MAGEB2: variants seen among roughly 807,000 people sequenced by gnomAD.
MAGEB2 encodes the protein MAGE family member B2, also known as melanoma-associated antigen B2.
For missense variants in MAGEB2, 365 were observed against 243.2 expected, an observed-to-expected ratio of 1.50 and a Z score of -3.33; for synonymous variants, 107 against 96.2, an observed-to-expected ratio of 1.11 and a Z score of -0.66.
At chrX:30,218,408 G>A (rs1219848365) in intron 1 of MAGEB2, among the ~76,000 whole-genome samples, 168 bp from the exon 2 acceptor site, 1 of 111,709 alleles carries the variant, frequency 9.0e-6, no homozygotes, top group East Asian at 2.8e-4. Context: ...GACGACAGGA[G>A]CCTTGTGGCT....
chrX:30,218,948 T>C lies in MAGEB2; in HGVS notation c.368T>C (p.Leu123Ser). 8.3e-7 allele frequency: 1 copy of C among 1,210,313 alleles called. No homozygotes were observed. The highest frequency in any genetic ancestry group is 1.1e-6 in the Non-Finnish European group (1 of 894,670). Residue 123 changes from leucine to serine, a missense_variant, in exon 2 of 2, where the codon TTG (leucine) becomes TCG (serine). Leu to Ser is a moderately radical substitution (Grantham distance 145, BLOSUM62 -2). Coordinates refer to ENST00000378988, the MANE Select transcript of MAGEB2 (RefSeq NM_002364.5). ...RKSGSLVQFL[L>S]YKYKIKKSVT... The stretch of plus-strand genomic sequence containing the variant: ...TCAGGGTCGTTGGTGCAGTTCCTGT[T>C]GTACAAGTATAAAATAAAAAAGTCC...
intron 1 of MAGEB2, 29 bp from the exon 2 acceptor site, chrX:30,218,544 ATTC>A (rs778411044): frequency 6.8e-6 from 8 of 1,174,312 alleles, no homozygotes; most frequent in Non-Finnish European, 5.7e-6. Context: ...CTAACCATCT[ATTC>A]TTCTGCCCAC....
At position 30,219,482 on chromosome X, in the gene MAGEB2, G is replaced by A. The variant is rs1194698180; in HGVS notation, c.902G>A (p.Cys301Tyr). 3 of 1,209,210 alleles carry A rather than the reference G, an allele frequency of 2.5e-6. No individual in the cohort carries two copies. Among genetic ancestry groups the A allele is most frequent in the East Asian group, 5.9e-5 (2 of 33,788 alleles). Residue 301 changes from cysteine (C) to tyrosine (Y), a missense_variant, in exon 2 of 2, where the codon TGT becomes TAT. Coordinates refer to ENST00000378988, the MANE Select transcript of MAGEB2 (RefSeq NM_002364.5). ...FLAKVNGTTP[C>Y]AFPTHYEEAL... is the part of the protein sequence containing the mutation. ...GCCAAGGTAAATGGTACCACCCCCT[G>A]TGCCTTCCCAACCCATTACGAAGAA...
Position 30,219,225 on chromosome X carries a change from C to T in MAGEB2, c.645C>T (p.Gly215=), listed in dbSNP as rs1924495952. Residue 215 remains glycine (G), a synonymous_variant, in exon 2 of 2, where the codon GGC becomes GGT. Transcript: ENST00000378988. ...MPLLGVIFLN[G]NSATEEEIWE... ...TCCTGGGTGTGATCTTCTTAAATGGCAACTCAGCTACTGAGGAAGAGATCT... is the reference window on the plus strand; with the variant it reads ...TCCTGGGTGTGATCTTCTTAAATGGTAACTCAGCTACTGAGGAAGAGATCT... The T allele has an allele frequency of 8.3e-7, 1 of 1,210,851 alleles. No individual in the cohort carries two copies. Among genetic ancestry groups the T allele is most frequent in the Admixed American group, 2.2e-5 (1 of 46,022 alleles).
In MAGEB2 at chrX:30,219,585, A is replaced by G. The variant is rs202101229; in HGVS notation, c.*45A>G. ...CTTGCACTACTGCCATAGCCAATCA[A>G]TCTCCCAAAGCCAAGTTTACCTGCT... On this transcript the variant is annotated 3_prime_UTR_variant, in exon 2 of 2. Transcript: ENST00000378988. 4.8e-4 allele frequency: 535 copies of G among 1,110,994 alleles called. 1 individual carries two copies. In the African/African-American group the frequency reaches 7.3e-3, roughly 15 times the overall value. The allele number at this position is 1,110,994 out of a possible 1,213,427, so 91.6% of individuals were successfully genotyped here.
Position 30,219,402 on chromosome X carries a change from G to A in MAGEB2, c.822G>A (p.Leu274=). The change falls in exon 2 of 2, where the codon CTG becomes CTA. Residue 274 remains leucine (L), a synonymous_variant. Transcript: ENST00000378988. Reference sequence around the variant, plus strand: ...GTGATCCCCCACGCTTTCAATTCCTGTGGGGTCCGAGAGCCTATGCTGAAA... The same window carrying A: ...GTGATCCCCCACGCTTTCAATTCCTATGGGGTCCGAGAGCCTATGCTGAAA... The part of the protein sequence containing the change: ...PSSDPPRFQF[L]WGPRAYAETS... 4.1e-6 allele frequency: 5 copies of A among 1,211,817 alleles called. No individual in the cohort carries two copies. The highest frequency in any genetic ancestry group is 5.6e-6 in the Non-Finnish European group (5 of 895,353).
rs1346140537 is a variant in MAGEB2, at chrX:30,219,115, A to G, written c.535A>G (p.Thr179Ala). 3 of 1,209,868 alleles carry G rather than the reference A, an allele frequency of 2.5e-6. No homozygotes were observed. Among genetic ancestry groups the G allele is most frequent in the Non-Finnish European group, 3.4e-6 (3 of 894,598 alleles). ...AGTCAACCCCAACGGCCACACTTAC[A>G]CCTTCATCGACAAGGTAGACCTCAC... ...NKVNPNGHTYTFIDKVDLTDE... is the reference protein window; with the variant it reads ...NKVNPNGHTYAFIDKVDLTDE... Residue 179 changes from threonine (T) to alanine (A), a missense_variant, in exon 2 of 2, where the codon ACC (threonine) becomes GCC (alanine). Thr to Ala is a moderately conservative substitution (Grantham distance 58). Coordinates refer to ENST00000378988, the MANE Select transcript of MAGEB2 (RefSeq NM_002364.5).
chrX:30,219,310 C>A lies in MAGEB2; in HGVS notation c.730C>A (p.Pro244Thr). Residue 244 changes from proline to threonine, a missense_variant, in exon 2 of 2, where the codon CCC (proline) becomes ACC (threonine). Coordinates refer to ENST00000378988, the MANE Select transcript of MAGEB2 (RefSeq NM_002364.5). The stretch of plus-strand genomic sequence containing the variant: ...AGAGGAGCACTCAGTCTTTGGGGAA[C>A]CCTGGAAGCTCATCACCAAAGATCT... ...DGEEHSVFGE[P>T]WKLITKDLVQ... 8.3e-7 allele frequency: 1 copy of A among 1,211,272 alleles called. No homozygotes were observed. Among genetic ancestry groups the A allele is most frequent in the Non-Finnish European group, 1.1e-6 (1 of 895,093 alleles).
In MAGEB2 at chrX:30,219,707, C is replaced by CTT. The variant is rs368622211; in HGVS notation, c.*177_*178dup. On this transcript the variant is annotated 3_prime_UTR_variant, in exon 2 of 2. Transcript: ENST00000378988. The stretch of plus-strand genomic sequence containing the variant: ...TTGTTATGCATGAATAACTTGTTGA[C>CTT]TTTTTTTTTTTCTCTTTTTCAACTA... 1,202 of 318,339 alleles carry CTT rather than the reference C, an allele frequency of 3.8e-3. No individual in the cohort carries two copies. The highest frequency in any genetic ancestry group is 5.3e-3 in the Non-Finnish European group (986 of 184,412). The allele number at this position is 318,339 out of a possible 1,213,427, so 26.2% of individuals were successfully genotyped here.
At chrX:30,217,728 A>C (rs1161832365) in intron 1 of MAGEB2, among the ~76,000 whole-genome samples, 1 of 111,564 alleles carries the variant, frequency 9.0e-6, no homozygotes, top group Non-Finnish European at 1.9e-5. Context: ...AGGGATGTTC[A>C]CTCTTACCAT....
intron 1 of MAGEB2, among the ~76,000 whole-genome samples, chrX:30,217,741 C>T (rs974755705): frequency 1.8e-5 from 2 of 111,846 alleles, no homozygotes; most frequent in African/African-American, 6.5e-5. Context: ...CTTACCATGA[C>T]GACATAGGCC....
At position 30,219,330 on chromosome X, in the gene MAGEB2, A is replaced by T. The variant is rs200726761; in HGVS notation, c.750A>T (p.Lys250Asn). ...VFGEPWKLIT[K>N]DLVQEKYLEY... ...GGGAACCCTGGAAGCTCATCACCAA[A>T]GATCTGGTGCAGGAAAAATATCTGG... The change falls in exon 2 of 2, where the codon AAA becomes AAT. Residue 250 changes from lysine to asparagine, a missense_variant. By Grantham distance (94) the Lys-to-Asn change is moderately conservative. Transcript: ENST00000378988. The T allele has an allele frequency of 8.3e-7, 1 of 1,211,858 alleles. No homozygotes were observed.
chrX:30,218,787 C>T lies in MAGEB2; in HGVS notation c.207C>T (p.Ala69=), dbSNP rs370067105. Residue 69 remains alanine (A), a synonymous_variant, in exon 2 of 2, where the codon GCC becomes GCT. Transcript: ENST00000378988. ...PQEPQRAPTT[A]AAAAAGVSST... ...AGCCTCAGAGAGCCCCAACCACTGC[C>T]GCTGCTGCGGCTGCGGGTGTTTCAT... 6.5e-5 allele frequency: 77 copies of T among 1,187,732 alleles called. No homozygotes were observed. Among genetic ancestry groups the T allele is most frequent in the East Asian group, 9.2e-5 (3 of 32,725 alleles).
Position 30,218,623 on chromosome X carries a change from C to G in MAGEB2, c.43C>G (p.Arg15Gly). The G allele has an allele frequency of 8.3e-7, 1 of 1,210,339 alleles. No individual in the cohort carries two copies. The highest frequency in any genetic ancestry group is 1.1e-6 in the Non-Finnish European group (1 of 894,808). Residue 15 changes from arginine (R) to glycine (G), a missense_variant, in exon 2 of 2, where the codon CGC becomes GGC. Physicochemically the swap from Arg to Gly is moderately radical, Grantham distance 125. Coordinates refer to ENST00000378988, the MANE Select transcript of MAGEB2 (RefSeq NM_002364.5). ...GAGTAAGCTCCGTGCCCGTGAGAAA[C>G]GCCGCAAGGCCCGAGATGAGACCCG... is the stretch of plus-strand genomic sequence containing the variant. The part of the protein sequence containing the change: ...QKSKLRAREK[R>G]RKARDETRGL...
Position 30,219,462 on chromosome X carries a change from G to A in MAGEB2, c.882G>A (p.Lys294=), listed in dbSNP as rs1233714278. 31 of 1,211,339 alleles carry A rather than the reference G, an allele frequency of 2.6e-5. No individual in the cohort carries two copies. The highest frequency in any genetic ancestry group is 3.5e-5 in the Non-Finnish European group (31 of 895,053). The change falls in exon 2 of 2, where the codon AAG becomes AAA. Residue 294 remains lysine, a synonymous_variant. Coordinates refer to ENST00000378988, the MANE Select transcript of MAGEB2 (RefSeq NM_002364.5). The part of the protein sequence containing the change: ...SKMKVLEFLA[K]VNGTTPCAFP... ...TGAAAGTCCTGGAGTTTTTGGCCAA[G>A]GTAAATGGTACCACCCCCTGTGCCT... is the stretch of plus-strand genomic sequence containing the variant.
At chrX:30,215,811 G>T (rs1924381175) in intron 1 of MAGEB2, among the ~76,000 whole-genome samples, 156 bp downstream of exon 1, 2 of 97,594 alleles carry the variant, frequency 2.0e-5, no homozygotes, top group South Asian at 6.7e-4. Context: ...AGGGTGGGGG[G>T]AGGGGCAGTC....
chrX:30,216,920 G>A (rs1365287932), intron 1 of MAGEB2, among the ~76,000 whole-genome samples: 1 of 103,541 alleles, frequency 9.7e-6, no homozygotes, highest in African/African-American at 3.6e-5. Context: ...CTTGAGGTCA[G>A]CAGAGGGAGG....
At chrX:30,216,618 C>A (rs761050183) in intron 1 of MAGEB2, among the ~76,000 whole-genome samples, 2 of 111,460 alleles carry the variant, frequency 1.8e-5, no homozygotes, top group Non-Finnish European at 3.8e-5. Flanking sequence ...CGGTGGCTCA[C>A]GCCTGTAATC....
intron 1 of MAGEB2, 130 bp downstream of exon 1, chrX:30,215,785 G>T (rs1023607657): frequency 1.0e-5 from 1 of 95,909 alleles, no homozygotes; most frequent in African/African-American, 3.8e-5. Context: ...CACCTGGAAA[G>T]TTCCAGGGCA....
Sources: gnomAD v4.1 joint callset for allele counts (sites outside exome capture counted in the v4.1 genomes callset) on GRCh38, gnomAD v4.1.1 for gene constraint, MANE v1.5 for transcripts, NCBI Gene and HGNC (gene_info 2026-07-23, HGNC 2026-07-21) for gene names.